Variants in SRGAP1 observed in about 807,000 individuals in gnomAD.
SRGAP1 encodes SLIT-ROBO Rho GTPase activating protein 1.
SRGAP1 carries 43 observed loss-of-function variants against 121.9 expected under a neutral mutation model. The observed-to-expected ratio is 0.35, with a 90% confidence interval of 0.28 to 0.46. SRGAP1 has a LOEUF of 0.46. Ranked by LOEUF, SRGAP1 falls within the 20% of genes least tolerant of loss-of-function variation. The probability of loss-of-function intolerance (pLI) is 1.00; values close to 1 mark genes in which losing one functional copy is unlikely to be tolerated. For missense variants in SRGAP1, 1,102 were observed against 1,350.9 expected, an observed-to-expected ratio of 0.82 and a Z score of 2.89; for synonymous variants, 447 against 485.4, an observed-to-expected ratio of 0.92 and a Z score of 1.04.
chr12:63,947,308 G>A (rs1322153231), intron 1 of SRGAP1, among the ~76,000 whole-genome samples: 1 of 152,130 alleles, frequency 6.6e-6, no homozygotes, highest in African/African-American at 2.4e-5. Context: ...GGTATTGTGG[G>A]TCTTAAATTT....
In SRGAP1 at chr12:64,149,327, C is replaced by T. The variant is rs1258489723; in HGVS notation, c.*6655C>T. On this transcript the variant is annotated 3_prime_UTR_variant, in exon 22 of 22. Transcript: ENST00000355086. ...GGAGACTGGAAATATTCATAGATGA[C>T]ACTGAAACTAGTTGAAGCTTTACTT... The T allele has an allele frequency of 6.6e-6, 1 of 152,192 alleles. No homozygotes were observed. Among genetic ancestry groups the T allele is most frequent in the Non-Finnish European group, 1.5e-5 (1 of 68,040 alleles). 9.4% of individuals were successfully genotyped at this position (152,192 alleles called of 1,614,324 possible).
At chr12:64,075,330 G>A (rs1318124642) in intron 8 of SRGAP1, among the ~76,000 whole-genome samples, 1 of 152,234 alleles carries the variant, frequency 6.6e-6, no homozygotes, top group Non-Finnish European at 1.5e-5. Flanking sequence ...ATTGTTTGTG[G>A]CTTAAGAATG....
At chr12:64,118,567 T>C (rs962158473) in intron 18 of SRGAP1, among the ~76,000 whole-genome samples, 2 of 152,152 alleles carry the variant, frequency 1.3e-5, no homozygotes, top group African/African-American at 4.8e-5. Flanking sequence ...CAGCCAACAT[T>C]TGTTACCTTT....
intron 2 of SRGAP1, among the ~76,000 whole-genome samples, chr12:63,988,219 A>G (rs534209785): frequency 2.0e-5 from 3 of 152,210 alleles, no homozygotes; most frequent in African/African-American, 7.2e-5. Context: ...CTGTGGGGCA[A>G]GGCCCTGAGG....
At chr12:64,044,878 C>T (rs1393104321) in intron 6 of SRGAP1, among the ~76,000 whole-genome samples, 1 of 151,788 alleles carries the variant, frequency 6.6e-6, no homozygotes, top group Admixed American at 6.6e-5. Flanking sequence ...TGGGCTTTCA[C>T]CATGTTGCCC....
chr12:64,039,387 A>C (rs2034963530), intron 4 of SRGAP1, among the ~76,000 whole-genome samples: 1 of 152,236 alleles, frequency 6.6e-6, no homozygotes, highest in Non-Finnish European at 1.5e-5. Flanking sequence ...CCCTGCTGGC[A>C]GTCAGCGCAG....
At chr12:63,964,614 C>A (rs571924929) in intron 1 of SRGAP1, among the ~76,000 whole-genome samples, 2 of 151,256 alleles carry the variant, frequency 1.3e-5, no homozygotes, top group African/African-American at 4.9e-5. Context: ...CTATATAACT[C>A]CCTAGTTACA....
intron 1 of SRGAP1, among the ~76,000 whole-genome samples, chr12:63,956,895 ACT>A (rs1174621251): frequency 1.3e-5 from 2 of 151,536 alleles, no homozygotes; most frequent in Non-Finnish European, 2.9e-5. Flanking sequence ...ATTAGCCATC[ACT>A]CTCCATTCTG....
At chr12:64,079,193 AGAACCATCTGGGG>A in intron 9 of SRGAP1, 77 bp downstream of exon 9, 1 of 1,509,342 alleles carries the variant, frequency 6.6e-7, no homozygotes, top group Admixed American at 1.8e-5. Context: ...TAGTCACATC[AGAACCATCTGGGG>A]TTCCTTTTGT....
chr12:64,070,470 T>C (rs2035618619), intron 8 of SRGAP1, among the ~76,000 whole-genome samples: 1 of 152,232 alleles, frequency 6.6e-6, no homozygotes, highest in Admixed American at 6.5e-5. Flanking sequence ...TGCTGTTCTA[T>C]GAGTAGAACC....
chr12:63,851,260 T>C (rs1297500799), intron 1 of SRGAP1, among the ~76,000 whole-genome samples: 3 of 152,122 alleles, frequency 2.0e-5, no homozygotes, highest in Admixed American at 2.0e-4. Flanking sequence ...CCCCTGTTGA[T>C]ATGTTAGACT....
Position 64,114,815 on chromosome 12 carries a change from C to T in SRGAP1, c.2145-999C>T, listed in dbSNP as rs1321463410. The stretch of plus-strand genomic sequence containing the variant: ...GAGTAAAGCTCCCATGACAGTCTTG[C>T]AGCCAGTAACGTGTGCTCGATGGTG... On this transcript the variant is annotated intron_variant, in intron 17 of 21. Coordinates refer to ENST00000355086, the MANE Select transcript of SRGAP1 (RefSeq NM_020762.4). 2.0e-5 allele frequency among the ~76,000 whole-genome samples: 3 copies of T among 152,212 alleles called. No homozygotes were observed. The East Asian group carries it at 5.8e-4, about 29-fold the overall frequency.
At chr12:64,088,392 A>G (rs2035985811) in intron 11 of SRGAP1, among the ~76,000 whole-genome samples, 1 of 152,232 alleles carries the variant, frequency 6.6e-6, no homozygotes, top group Non-Finnish European at 1.5e-5. Context: ...GCACTTCAAA[A>G]AAAGAGATTT....
chr12:64,121,544 C>T lies in SRGAP1; in HGVS notation c.2225-4433C>T, dbSNP rs550806646. On this transcript the variant is annotated intron_variant, in intron 18 of 21. Coordinates refer to ENST00000355086, the MANE Select transcript of SRGAP1 (RefSeq NM_020762.4). The stretch of plus-strand genomic sequence containing the variant: ...TGCTGGGATTGCAGGCGTGAGCCAC[C>T]ATGCCCAGCCTGTGATGTTGCTTTT... Among the ~76,000 whole-genome samples the T allele has an allele frequency of 1.5e-3, 221 of 152,284 alleles. 1 individual carries two copies. Among genetic ancestry groups the T allele is most frequent in the African/African-American group, 5.2e-3 (217 of 41,556 alleles).
intron 1 of SRGAP1, among the ~76,000 whole-genome samples, chr12:63,874,527 TA>T (rs1899967023): frequency 6.6e-6 from 1 of 152,080 alleles, no homozygotes; most frequent in African/African-American, 2.4e-5. Context: ...TGAAGAGTAT[TA>T]AAGGACAAAT....
intron 1 of SRGAP1, among the ~76,000 whole-genome samples, chr12:63,853,482 C>T (rs1899142624): frequency 6.6e-6 from 1 of 152,132 alleles, no homozygotes; most frequent in Admixed American, 6.5e-5. Flanking sequence ...GCAGTCTTTA[C>T]CACTGGTTTT....
chr12:63,910,150 T>A (rs995703007), intron 1 of SRGAP1, among the ~76,000 whole-genome samples: 1 of 152,250 alleles, frequency 6.6e-6, no homozygotes, highest in Non-Finnish European at 1.5e-5. Flanking sequence ...TCAAATGCAA[T>A]GCTACATAAT....
chr12:64,098,237 C>CCCATCA (rs918864141), intron 15 of SRGAP1, among the ~76,000 whole-genome samples: 5 of 152,064 alleles, frequency 3.3e-5, no homozygotes, highest in African/African-American at 9.7e-5. Context: ...CTTCCCCATC[C>CCCATCA]CCATCACCTT....
intron 1 of SRGAP1, among the ~76,000 whole-genome samples, chr12:63,882,991 A>G (rs1900247092): frequency 6.6e-6 from 1 of 152,234 alleles, no homozygotes; most frequent in East Asian, 1.9e-4. Context: ...GGAGATATCC[A>G]GTTACAGCTC....
Sources: allele counts gnomAD v4.1 joint callset (sites outside exome capture counted in the v4.1 genomes callset), GRCh38; gene constraint gnomAD v4.1.1; transcripts MANE v1.5; gene names NCBI Gene and HGNC (gene_info 2026-07-23, HGNC 2026-07-21).